SH2D4B: variants seen among roughly 807,000 people sequenced by gnomAD.
SH2D4B encodes the protein SH2 domain containing 4B, also known as SH2 domain-containing protein 4B.
A neutral mutation model predicts 61.5 loss-of-function variants in SH2D4B; 45 were observed. The observed-to-expected ratio is 0.73, with a 90% CI of 0.58 to 0.94. SH2D4B has a LOEUF of 0.94. SH2D4B is among the 40% of genes least tolerant of loss of function. The pLI is 0.00. For missense variants in SH2D4B, 572 were observed against 574.2 expected, an observed-to-expected ratio of 1.00 and a Z score of 0.04; for synonymous variants, 224 against 220.4, an observed-to-expected ratio of 1.02 and a Z score of -0.14.
chr10:80,562,923 AC>A (rs1841920578), intron 1 of SH2D4B, among the ~76,000 whole-genome samples: 4 of 98,590 alleles, frequency 4.1e-5, no homozygotes, highest in African/African-American at 8.4e-5. Context: ...TTTTTTTGAG[AC>A]GGAGTCTCGC....
At position 80,645,216 on chromosome 10, in the gene SH2D4B, AT is replaced by A. The variant is rs1840378088; in HGVS notation, c.*1134del. 1.3e-5 allele frequency: 2 copies of A among 152,170 alleles called. No homozygotes were observed. The highest frequency in any genetic ancestry group is 2.9e-5 in the Non-Finnish European group (2 of 68,030). 9.4% of individuals were successfully genotyped at this position (152,170 alleles called of 1,614,324 possible). ...TGGATTCTAGGAATGTTAGGGAACG[AT>A]TTACTTTACCCGATGGCTGTATCAA... On this transcript the variant is annotated 3_prime_UTR_variant, in exon 8 of 8. Transcript: ENST00000646907.
chr10:80,593,498 G>A (rs1842355097), intron 4 of SH2D4B, among the ~76,000 whole-genome samples: 1 of 152,104 alleles, frequency 6.6e-6, no homozygotes, highest in Non-Finnish European at 1.5e-5. Flanking sequence ...TTTTTGGATT[G>A]TTTATTGCTA....
chr10:80,605,404 T>C (rs983093822), intron 5 of SH2D4B, among the ~76,000 whole-genome samples: 1 of 152,190 alleles, frequency 6.6e-6, no homozygotes, highest in Non-Finnish European at 1.5e-5. Context: ...AGAGGATTCT[T>C]TTGTCTGTGA....
chr10:80,591,022 G>A (rs892431372), intron 4 of SH2D4B, among the ~76,000 whole-genome samples: 1 of 150,232 alleles, frequency 6.7e-6, no homozygotes, highest in Non-Finnish European at 1.5e-5. Flanking sequence ...GTCTGACTTT[G>A]CTTAGCACAA....
At chr10:80,607,711 C>T (rs1003974343) in intron 5 of SH2D4B, among the ~76,000 whole-genome samples, 2 of 152,126 alleles carry the variant, frequency 1.3e-5, no homozygotes, top group Non-Finnish European at 2.9e-5. Context: ...ATATGGAGAC[C>T]ACATGAGAGG....
chr10:80,588,851 C>T, intron 4 of SH2D4B, 74 bp downstream of exon 4: 1 of 1,560,708 alleles, frequency 6.4e-7, no homozygotes, highest in African/African-American at 1.4e-5. Flanking sequence ...TGCTGATGTA[C>T]TCATTCGTCA....
At position 80,622,350 on chromosome 10, in the gene SH2D4B, T is replaced by C. The variant is rs137968205; in HGVS notation, c.989-11935T>C. On this transcript the variant is annotated intron_variant, in intron 6 of 7. Transcript: ENST00000646907. ...TACTTTTTCACATGATGATGTTATA[T>C]GTGATTTGACCTCGATGATTTTCTG... Among the ~76,000 whole-genome samples the C allele has an allele frequency of 6.3e-3, 957 of 152,338 alleles. 9 individuals are homozygous for C. The highest frequency in any genetic ancestry group is 0.022 in the African/African-American group (904 of 41,574).
chr10:80,572,206 A>G (rs7094314), intron 3 of SH2D4B, among the ~76,000 whole-genome samples: 31,286 of 152,108 alleles, frequency 0.21, 3,857 homozygotes, highest in East Asian at 0.38. Flanking sequence ...CCAAACCACC[A>G]GTCCAGAAAT....
intron 1 of SH2D4B, among the ~76,000 whole-genome samples, chr10:80,566,854 C>T (rs1841975441): frequency 6.6e-6 from 1 of 152,152 alleles, no homozygotes; most frequent in Non-Finnish European, 1.5e-5. Context: ...TAATTCTAAG[C>T]AGTGGTTGCC....
rs1842044980 is a variant in SH2D4B, at chr10:80,571,577, A to T, written c.494A>T (p.Lys165Met). Residue 165 changes from lysine (K) to methionine (M), a missense_variant and splice_region_variant, in exon 3 of 8, where the codon AAG becomes ATG. By Grantham distance (95) the Lys-to-Met change is moderately conservative (BLOSUM62 -1). Coordinates refer to ENST00000646907, the MANE Select transcript of SH2D4B (RefSeq NM_001388272.1). Reference sequence around the variant, plus strand: ...GAGGAACGCATCCACGAGGAATTCAAGGTGGGCCAGCGCATGGGGCCCCTG... The same window carrying T: ...GAGGAACGCATCCACGAGGAATTCATGGTGGGCCAGCGCATGGGGCCCCTG... ...VLEERIHEEF[K>M]RKEEEERKRG... is the part of the protein sequence containing the mutation. 6.2e-7 allele frequency: 1 copy of T among 1,613,518 alleles called. No homozygotes were observed. The highest frequency in any genetic ancestry group is 2.2e-5 in the East Asian group (1 of 44,842).
chr10:80,579,968 C>G (rs1842170342), intron 3 of SH2D4B, among the ~76,000 whole-genome samples: 1 of 152,214 alleles, frequency 6.6e-6, no homozygotes, highest in Admixed American at 6.5e-5. Context: ...AACTCATTCA[C>G]TTCTCTGGTC....
At position 80,611,354 on chromosome 10, in the gene SH2D4B, G is replaced by A. The variant is rs559227983; in HGVS notation, c.988+1803G>A. Among the ~76,000 whole-genome samples, 7 of 152,172 alleles carry A rather than the reference G, an allele frequency of 4.6e-5. No individual in the cohort carries two copies. In the South Asian group the frequency reaches 8.3e-4, roughly 18 times the overall value. On this transcript the variant is annotated intron_variant, in intron 6 of 7. Coordinates refer to ENST00000646907, the MANE Select transcript of SH2D4B (RefSeq NM_001388272.1). ...CGTCCATGGTACAGTGGATAGTTTC[G>A]AAGGATAATCTAGTCTGTTATGACC...
chr10:80,594,411 A>C (rs986768709), intron 4 of SH2D4B, among the ~76,000 whole-genome samples: 1 of 152,200 alleles, frequency 6.6e-6, no homozygotes, highest in Non-Finnish European at 1.5e-5. Context: ...AGGATTTTGC[A>C]TCTGTATTCA....
At chr10:80,586,531 C>A (rs1842251203) in intron 3 of SH2D4B, among the ~76,000 whole-genome samples, 1 of 152,074 alleles carries the variant, frequency 6.6e-6, no homozygotes. Flanking sequence ...TTTGTGTCCA[C>A]ACTCTGTATC....
In SH2D4B at chr10:80,645,015, A is replaced by G. The variant is rs998741419; in HGVS notation, c.*930A>G. 1 of 152,222 alleles carries G rather than the reference A, an allele frequency of 6.6e-6. No individual in the cohort carries two copies. Among genetic ancestry groups the G allele is most frequent in the African/African-American group, 2.4e-5 (1 of 41,458 alleles). 9.4% of individuals were successfully genotyped at this position (152,222 alleles called of 1,614,324 possible). The stretch of plus-strand genomic sequence containing the variant: ...CTCCTCGATAACTCTCAGTGATGGT[A>G]TCTGTTGGTGCATACTTGTGTTCCA... On this transcript the variant is annotated 3_prime_UTR_variant, in exon 8 of 8. Transcript: ENST00000646907.
intron 3 of SH2D4B, among the ~76,000 whole-genome samples, chr10:80,580,660 T>C (rs1364397987): frequency 6.6e-6 from 1 of 152,194 alleles, no homozygotes; most frequent in Non-Finnish European, 1.5e-5. Context: ...AAAGGTCTGT[T>C]CCATTGCTTA....
At chr10:80,636,102 C>T (rs1328880692) in intron 7 of SH2D4B, among the ~76,000 whole-genome samples, 1 of 152,170 alleles carries the variant, frequency 6.6e-6, no homozygotes, top group Non-Finnish European at 1.5e-5. Context: ...CCAGCTTCAT[C>T]CATGTCCCTG....
chr10:80,597,127 T>C (rs1842393760), intron 4 of SH2D4B, among the ~76,000 whole-genome samples: 1 of 152,182 alleles, frequency 6.6e-6, no homozygotes, highest in Admixed American at 6.5e-5. Flanking sequence ...CTACACCATT[T>C]TATAAAAGGG....
At chr10:80,550,689 TG>T (rs1436719802) in intron 1 of SH2D4B, among the ~76,000 whole-genome samples, 2 of 152,214 alleles carry the variant, frequency 1.3e-5, no homozygotes, top group Non-Finnish European at 2.9e-5. Context: ...ACATCCTGAT[TG>T]AAGAAATGTT....
Sources: allele counts gnomAD v4.1 joint callset (sites outside exome capture counted in the v4.1 genomes callset), GRCh38; gene constraint gnomAD v4.1.1; transcripts MANE v1.5; gene names NCBI Gene and HGNC (gene_info 2026-07-23, HGNC 2026-07-21).